ROPN1L: variants seen among roughly 807,000 people sequenced by gnomAD.
ROPN1L encodes ropporin-1-like protein.
Under a neutral mutation model 22.7 loss-of-function variants are expected in ROPN1L, and 23 were observed. The observed-to-expected ratio is 1.01, with a 90% CI of 0.73 to 1.43. The LOEUF is 1.43. Among genes scored for constraint, ROPN1L ranks in the 40% most tolerant of loss-of-function variants. ROPN1L has a pLI of 0.00. For synonymous variants in ROPN1L, 116 were observed against 117.8 expected (o/e 0.98, Z 0.10); for missense variants, 271 against 291.5 (o/e 0.93, Z 0.51).
At chr5:10,482,143 T>C in the ROPN1L span, 1 of 150,174 alleles carries the variant, frequency 6.7e-6, no homozygotes, top group African/African-American at 2.5e-5. Context: ...GGCAGGAGAA[T>C]CGCTTAAACC....
At chr5:10,453,600 T>C (rs1000779430) in intron 3 of ROPN1L, among the ~76,000 whole-genome samples, 4 of 152,222 alleles carry the variant, frequency 2.6e-5, no homozygotes, top group South Asian at 2.1e-4. Flanking sequence ...TGCTGTGTAA[T>C]TGGTGGCTAG....
the ROPN1L span, among the ~76,000 whole-genome samples, chr5:10,478,372 C>T: frequency 6.6e-6 from 1 of 152,270 alleles, no homozygotes; most frequent in African/African-American, 2.4e-5. Flanking sequence ...CAGGGGCTTC[C>T]GCAACAGAGA....
chr5:10,443,597 C>T (rs1271574818), intron 1 of ROPN1L, among the ~76,000 whole-genome samples: 4 of 151,620 alleles, frequency 2.6e-5, no homozygotes, highest in African/African-American at 9.7e-5. Context: ...AGTCCGCAGT[C>T]CGGCCCGGGC....
downstream of ROPN1L, among the ~76,000 whole-genome samples, chr5:10,473,255 A>G (rs1735275985): frequency 6.6e-6 from 1 of 152,190 alleles, no homozygotes; most frequent in African/African-American, 2.4e-5. Context: ...GGGTCTTTGT[A>G]GATGTCGTTA....
chr5:10,448,514 G>A, intron 2 of ROPN1L, 131 bp downstream of exon 2: 1 of 999,098 alleles, frequency 1.0e-6, no homozygotes, highest in Non-Finnish European at 1.4e-6. Flanking sequence ...CTGAAATCCT[G>A]CTTTCCCTGC....
chr5:10,461,211 T>C lies in ROPN1L; in HGVS notation c.445T>C (p.Cys149Arg). Reference sequence around the variant, plus strand: ...CTTGAACACTGCGCTGAAGCACCTGTGCGAGATCCTCACGGACGATCCGGA... The same window carrying C: ...CTTGAACACTGCGCTGAAGCACCTGCGCGAGATCCTCACGGACGATCCGGA... ...GSLNTALKHL[C>R]EILTDDPEGG... Residue 149 changes from cysteine (C) to arginine (R), a missense_variant, in exon 4 of 5, where the codon TGC becomes CGC. By Grantham distance (180) the Cys-to-Arg change is radical (BLOSUM62 -3). Transcript: ENST00000274134. 1 of 1,614,034 alleles carries C rather than the reference T, an allele frequency of 6.2e-7. No homozygotes were observed. The highest frequency in any genetic ancestry group is 8.5e-7 in the Non-Finnish European group (1 of 1,180,010).
At chr5:10,443,583 C>T (rs1046593696) in intron 1 of ROPN1L, among the ~76,000 whole-genome samples, 2 of 151,374 alleles carry the variant, frequency 1.3e-5, no homozygotes, top group Admixed American at 6.6e-5. Context: ...GATTGCGCCA[C>T]TGCAGTCCGC....
chr5:10,475,395 T>G (rs1735304819), downstream of ROPN1L, among the ~76,000 whole-genome samples: 1 of 152,236 alleles, frequency 6.6e-6, no homozygotes, highest in Non-Finnish European at 1.5e-5. Context: ...TTGTCCTTAC[T>G]GATTATTTAT....
intron 3 of ROPN1L, among the ~76,000 whole-genome samples, chr5:10,460,899 A>G (rs990796073): frequency 6.6e-6 from 1 of 152,252 alleles, no homozygotes; most frequent in Non-Finnish European, 1.5e-5. Context: ...TTTTCAAGAC[A>G]TTGATGCTTC....
chr5:10,451,088 G>A lies in ROPN1L; in HGVS notation c.417+975G>A, dbSNP rs114240092. Among the ~76,000 whole-genome samples, 445 of 152,356 alleles carry A rather than the reference G, an allele frequency of 2.9e-3. 3 individuals are homozygous for A. Among genetic ancestry groups the A allele is most frequent in the African/African-American group, 0.01 (428 of 41,574 alleles). ...GAAGCTTATGAAGAAAGGAGGCAGA[G>A]AAAGGAGAACCAGCTCCCTTTACTA... On this transcript the variant is annotated intron_variant, in intron 3 of 4. Transcript: ENST00000274134.
At chr5:10,479,683 T>C in the ROPN1L span, among the ~76,000 whole-genome samples, 4 of 152,044 alleles carry the variant, frequency 2.6e-5, no homozygotes, top group African/African-American at 9.7e-5. Flanking sequence ...CCTGAGCTCC[T>C]GTCCCTACTG....
downstream of ROPN1L, among the ~76,000 whole-genome samples, chr5:10,467,607 G>A (rs1735176403): frequency 6.6e-6 from 1 of 152,222 alleles, no homozygotes; most frequent in Non-Finnish European, 1.5e-5. Flanking sequence ...ATGGTCTCGT[G>A]CTCAGTAAAT....
At chr5:10,447,101 T>C (rs1049349949) in intron 1 of ROPN1L, among the ~76,000 whole-genome samples, 3 of 152,214 alleles carry the variant, frequency 2.0e-5, no homozygotes, top group African/African-American at 7.2e-5. Flanking sequence ...TGTTTCTAAC[T>C]ACCCATGGCT....
At chr5:10,474,814 G>A (rs143735982), downstream of ROPN1L, among the ~76,000 whole-genome samples, 3,246 of 152,346 alleles carry the variant, frequency 0.021, 54 homozygotes, top group Non-Finnish European at 0.031. Context: ...GAATAGGAGC[G>A]GCTGAGCTTG....
In ROPN1L at chr5:10,442,097, G is replaced by A. The variant is rs1579638016; in HGVS notation, c.-71G>A. On this transcript the variant is annotated 5_prime_UTR_variant, in exon 1 of 5. Coordinates refer to ENST00000274134, the MANE Select transcript of ROPN1L (RefSeq NM_031916.5). The stretch of plus-strand genomic sequence containing the variant: ...GCGCTGCTAGCGGGTCCACCGCGTC[G>A]TAGCCGACAGCCGCCCTTCTTCCTC... 3 of 1,561,352 alleles carry A rather than the reference G, an allele frequency of 1.9e-6. No homozygotes were observed. The highest frequency in any genetic ancestry group is 2.6e-6 in the Non-Finnish European group (3 of 1,145,744).
intron 3 of ROPN1L, among the ~76,000 whole-genome samples, chr5:10,458,577 CT>C (rs140050396): frequency 1.2e-4 from 11 of 93,582 alleles, no homozygotes; most frequent in South Asian, 4.6e-4. Context: ...ACCATCCCCC[CT>C]ATGTACACCA....
chr5:10,442,371 C>A, intron 1 of ROPN1L, 73 bp downstream of exon 1: 1 of 1,578,018 alleles, frequency 6.3e-7, no homozygotes, highest in Non-Finnish European at 8.6e-7. Context: ...GCCCTCCTCC[C>A]GGACCAGGGG....
intron 1 of ROPN1L, among the ~76,000 whole-genome samples, chr5:10,444,561 G>T (rs1482047652): frequency 6.6e-6 from 1 of 151,702 alleles, no homozygotes; most frequent in Admixed American, 6.6e-5. Context: ...AAAGTGCTGG[G>T]ATTACCAGTG....
At chr5:10,476,991 T>G (rs1347510315), downstream of ROPN1L, among the ~76,000 whole-genome samples, 1 of 152,256 alleles carries the variant, frequency 6.6e-6, no homozygotes, top group Non-Finnish European at 1.5e-5. Flanking sequence ...CTTTTGGGCT[T>G]TGCAGACATG....
Sources: gnomAD v4.1 joint callset for allele counts (sites outside exome capture counted in the v4.1 genomes callset) on GRCh38, gnomAD v4.1.1 for gene constraint, MANE v1.5 for transcripts, NCBI Gene and HGNC (gene_info 2026-07-23, HGNC 2026-07-21) for gene names.